Variants in MMP16 observed in about 807,000 individuals in gnomAD.
The protein encoded by MMP16 is matrix metalloproteinase-16.
MMP16 carries 12 observed loss-of-function variants against 67.8 expected under a neutral mutation model. The observed-to-expected ratio is 0.18, with a 90% confidence interval of 0.11 to 0.29. MMP16 has a LOEUF of 0.29. Among genes scored for constraint, MMP16 ranks in the 10% least tolerant of loss-of-function variants. The pLI, the probability that MMP16 is intolerant of heterozygous loss-of-function variation, is 1.00. For synonymous variants in MMP16, 249 were observed against 255.9 expected (o/e 0.97, Z 0.26); for missense variants, 475 against 765.7 (o/e 0.62, Z 4.48).
intron 1 of MMP16, among the ~76,000 whole-genome samples, chr8:88,199,477 G>A (rs746832699): frequency 5.3e-5 from 8 of 151,822 alleles, no homozygotes; most frequent in Non-Finnish European, 1.2e-4. Flanking sequence ...TTATGGTCAA[G>A]GTTTGTTTTC....
At chr8:88,294,847 G>A (rs1366956699) in intron 1 of MMP16, among the ~76,000 whole-genome samples, 2 of 152,128 alleles carry the variant, frequency 1.3e-5, no homozygotes, top group Admixed American at 1.3e-4. Context: ...TGAGAAGCTG[G>A]GATTACAGGT....
intron 1 of MMP16, among the ~76,000 whole-genome samples, chr8:88,233,699 G>A (rs1809898718): frequency 6.6e-6 from 1 of 152,204 alleles, no homozygotes; most frequent in South Asian, 2.1e-4. Context: ...AGAGCTGCCT[G>A]CACAGTGTCT....
At chr8:88,161,276 G>T (rs1029079150) in intron 4 of MMP16, among the ~76,000 whole-genome samples, 1 of 152,144 alleles carries the variant, frequency 6.6e-6, no homozygotes, top group African/African-American at 2.4e-5. Context: ...TTAGTCTTGG[G>T]ACGGTGTATG....
chr8:88,133,771 T>A (rs1808073427), intron 4 of MMP16, among the ~76,000 whole-genome samples: 1 of 151,838 alleles, frequency 6.6e-6, no homozygotes, highest in Admixed American at 6.6e-5. Context: ...ATATAAAAAT[T>A]CACTGGTTTT....
In MMP16 at chr8:88,138,819, C is replaced by CACATAT. The variant is rs549950109; in HGVS notation, c.710-19964_710-19959dup. On this transcript the variant is annotated intron_variant, in intron 4 of 9. Coordinates refer to ENST00000286614, the MANE Select transcript of MMP16 (RefSeq NM_005941.5). ...TTATATCTCTGAATACACACACATA[C>CACATAT]ACATATACATATACATACATATGCA... Among the ~76,000 whole-genome samples, 1,192 of 151,998 alleles carry CACATAT rather than the reference C, an allele frequency of 7.8e-3. 17 individuals carry two copies. The highest frequency in any genetic ancestry group is 0.071 in the Middle Eastern group (21 of 294).
At chr8:88,048,991 C>T (rs764705332) in intron 8 of MMP16, among the ~76,000 whole-genome samples, 1 of 152,184 alleles carries the variant, frequency 6.6e-6, no homozygotes, top group Non-Finnish European at 1.5e-5. Context: ...ATTCCTCCAT[C>T]TTCCTCCATC....
intron 7 of MMP16, among the ~76,000 whole-genome samples, chr8:88,057,266 T>C (rs1022817417): frequency 2.0e-5 from 3 of 152,170 alleles, no homozygotes; most frequent in Admixed American, 6.5e-5. Context: ...TATTGTTTCC[T>C]AGGACTCTGT....
chr8:88,287,786 A>C (rs1032918578), intron 1 of MMP16, among the ~76,000 whole-genome samples: 1 of 152,218 alleles, frequency 6.6e-6, no homozygotes, highest in Admixed American at 6.5e-5. Flanking sequence ...TGGTGCCCAG[A>C]GCTTTGAGTA....
chr8:88,148,288 C>A (rs949613353), intron 4 of MMP16, among the ~76,000 whole-genome samples: 1 of 152,056 alleles, frequency 6.6e-6, no homozygotes, highest in African/African-American at 2.4e-5. Flanking sequence ...TATTATGTAT[C>A]TTAATTTCAT....
intron 6 of MMP16, among the ~76,000 whole-genome samples, chr8:88,113,135 C>T (rs1809366957): frequency 6.6e-6 from 1 of 151,820 alleles, no homozygotes; most frequent in African/African-American, 2.4e-5. Flanking sequence ...GTCACGTGAA[C>T]CACCTTCTGC....
intron 1 of MMP16, among the ~76,000 whole-genome samples, chr8:88,279,224 A>G (rs1299182068): frequency 4.6e-5 from 7 of 151,760 alleles, no homozygotes; most frequent in Admixed American, 6.6e-5. Context: ...CTGTCTCAAA[A>G]AAAAAAAAAA....
intron 1 of MMP16, among the ~76,000 whole-genome samples, chr8:88,222,292 C>A (rs901748988): frequency 6.6e-6 from 1 of 151,518 alleles, no homozygotes; most frequent in Non-Finnish European, 1.5e-5. Flanking sequence ...TTTTACCAGG[C>A]AGAATCCTCG....
chr8:88,295,871 C>T (rs1014783381), intron 1 of MMP16, among the ~76,000 whole-genome samples: 1 of 151,960 alleles, frequency 6.6e-6, no homozygotes, highest in Non-Finnish European at 1.5e-5. Flanking sequence ...ATGATATTAC[C>T]AAGAACCCTG....
At chr8:88,167,533 A>G (rs1808733998) in intron 4 of MMP16, 136 bp downstream of exon 4, 1 of 783,588 alleles carries the variant, frequency 1.3e-6, no homozygotes, top group Admixed American at 3.1e-5. Flanking sequence ...AATGCTATAA[A>G]ATATGCTTAC....
At chr8:88,238,998 T>C (rs770378969) in intron 1 of MMP16, among the ~76,000 whole-genome samples, 31 of 152,128 alleles carry the variant, frequency 2.0e-4, no homozygotes, top group Admixed American at 3.9e-4. Context: ...TATTTCCCAT[T>C]AGTCTAGGGA....
At chr8:88,297,395 C>A (rs1427748431) in intron 1 of MMP16, among the ~76,000 whole-genome samples, 1 of 152,138 alleles carries the variant, frequency 6.6e-6, no homozygotes, top group African/African-American at 2.4e-5. Context: ...CTGAGAACTG[C>A]CCTTTGTAGG....
At chr8:88,090,203 G>T (rs913261787) in intron 6 of MMP16, among the ~76,000 whole-genome samples, 4 of 151,944 alleles carry the variant, frequency 2.6e-5, no homozygotes, top group African/African-American at 9.7e-5. Flanking sequence ...GGTTGAGAAA[G>T]AAGTTACAAT....
At chr8:88,273,185 G>A (rs964246712) in intron 1 of MMP16, among the ~76,000 whole-genome samples, 1 of 150,752 alleles carries the variant, frequency 6.6e-6, no homozygotes, top group East Asian at 2.0e-4. Context: ...TCAGGTTTGG[G>A]CAATTTCTCT....
intron 1 of MMP16, among the ~76,000 whole-genome samples, chr8:88,317,975 A>G (rs1811400093): frequency 6.6e-6 from 1 of 152,170 alleles, no homozygotes; most frequent in Non-Finnish European, 1.5e-5. Context: ...CTAAATAAAT[A>G]TTTTAAAAAC....
Sources: allele counts gnomAD v4.1 joint callset (sites outside exome capture counted in the v4.1 genomes callset), GRCh38; gene constraint gnomAD v4.1.1; transcripts MANE v1.5; gene names NCBI Gene and HGNC (gene_info 2026-07-23, HGNC 2026-07-21).